The following SEMA3A variants were observed in gnomAD, a reference collection of about 807,000 sequenced individuals.
SEMA3A encodes semaphorin-3A.
Under a neutral mutation model 97.9 loss-of-function variants are expected in SEMA3A, and 29 were observed. That is an observed-to-expected ratio of 0.30 (90% CI 0.22 to 0.40). The LOEUF (loss-of-function observed/expected upper bound fraction) is 0.40. Among genes scored for constraint, SEMA3A ranks in the 10% least tolerant of loss-of-function variants. The pLI is 1.00. For synonymous variants in SEMA3A, 321 were observed against 323.7 expected (o/e 0.99, Z 0.09); for missense variants, 763 against 951.3 (o/e 0.80, Z 2.60).
At chr7:84,063,211 G>C (rs79766948) in intron 4 of SEMA3A, among the ~76,000 whole-genome samples, 4 of 151,386 alleles carry the variant, frequency 2.6e-5, no homozygotes, top group East Asian at 4.0e-4. Context: ...TGAGGGTCCT[G>C]TCTGTTAGAA....
At chr7:84,427,906 A>C (rs544817386) in intron 1 of SEMA3A, among the ~76,000 whole-genome samples, 22 of 152,078 alleles carry the variant, frequency 1.4e-4, no homozygotes, top group Non-Finnish European at 2.9e-4. Context: ...TTGTATAATA[A>C]GTCTATATAG....
At chr7:84,050,396 C>T (rs1347338915) in intron 5 of SEMA3A, among the ~76,000 whole-genome samples, 5 of 152,110 alleles carry the variant, frequency 3.3e-5, no homozygotes, top group South Asian at 4.2e-4. Context: ...TTAATGATTG[C>T]CATTCTAACT....
intron 4 of SEMA3A, among the ~76,000 whole-genome samples, chr7:84,063,141 A>AC (rs903943276): frequency 5.9e-5 from 9 of 151,870 alleles, no homozygotes; most frequent in South Asian, 2.1e-4. Flanking sequence ...ACTGTGAGGC[A>AC]CCCCCAAGCA....
At chr7:84,439,582 T>A (rs1805219518) in intron 1 of SEMA3A, among the ~76,000 whole-genome samples, 1 of 152,184 alleles carries the variant, frequency 6.6e-6, no homozygotes, top group Non-Finnish European at 1.5e-5. Context: ...TATAAATAGA[T>A]GTTTCTGATG....
intron 3 of SEMA3A, among the ~76,000 whole-genome samples, chr7:84,249,358 C>CTG (rs1222407634): frequency 1.2e-4 from 16 of 133,252 alleles, no homozygotes; most frequent in African/African-American, 4.0e-4. Context: ...CTCTCTCTCT[C>CTG]TCTGTCTATC....
chr7:84,452,965 T>A (rs1805596490), intron 1 of SEMA3A, among the ~76,000 whole-genome samples: 1 of 152,186 alleles, frequency 6.6e-6, no homozygotes, highest in Non-Finnish European at 1.5e-5. Flanking sequence ...TTCCCCTTCT[T>A]TTTAACATTG....
At chr7:84,182,522 A>G (rs1331811761) in intron 1 of SEMA3A, among the ~76,000 whole-genome samples, 1 of 152,128 alleles carries the variant, frequency 6.6e-6, no homozygotes, top group African/African-American at 2.4e-5. Context: ...TTCCTGAAGA[A>G]ACAGGTGCTT....
intron 2 of SEMA3A, among the ~76,000 whole-genome samples, chr7:84,346,810 T>C (rs996176826): frequency 2.0e-5 from 3 of 151,874 alleles, no homozygotes; most frequent in Non-Finnish European, 2.9e-5. Context: ...GAGAACATGG[T>C]GTTGGAAAAA....
chr7:83,998,854 C>T (rs1324518722), intron 12 of SEMA3A, among the ~76,000 whole-genome samples: 1 of 152,016 alleles, frequency 6.6e-6, no homozygotes, highest in African/African-American at 2.4e-5. Context: ...TAGGCCTACA[C>T]AGGGTAAGGA....
At chr7:84,492,560 A>G (rs1222898688) in exon 1 of SEMA3A, 1 of 152,244 alleles carries the variant, frequency 6.6e-6, no homozygotes, top group African/African-American at 2.4e-5. Flanking sequence ...GTGAGCAGCA[A>G]GAAGCATGTT....
At chr7:84,170,688 T>G (rs1009447206) in intron 1 of SEMA3A, among the ~76,000 whole-genome samples, 1 of 152,034 alleles carries the variant, frequency 6.6e-6, no homozygotes, top group African/African-American at 2.4e-5. Context: ...TTCAGATTTT[T>G]CTTGTATTTA....
intron 4 of SEMA3A, among the ~76,000 whole-genome samples, chr7:84,079,473 C>A (rs1283565299): frequency 6.6e-6 from 1 of 151,222 alleles, no homozygotes; most frequent in Admixed American, 6.6e-5. Flanking sequence ...GGCTAATATC[C>A]AGAATCTACA....
chr7:84,051,861 T>C (rs1451729892), intron 5 of SEMA3A, among the ~76,000 whole-genome samples: 1 of 151,096 alleles, frequency 6.6e-6, no homozygotes. Context: ...CATAGATAGC[T>C]CTTATTATTT....
intron 3 of SEMA3A, among the ~76,000 whole-genome samples, chr7:84,232,422 ATC>A (rs142498521): frequency 2.9e-4 from 43 of 145,918 alleles, no homozygotes; most frequent in East Asian, 1.8e-3. Context: ...AGATTGTTTA[ATC>A]TCTCTCTCTC....
intron 3 of SEMA3A, among the ~76,000 whole-genome samples, chr7:84,231,334 A>G (rs1799111401): frequency 6.6e-6 from 1 of 151,948 alleles, no homozygotes; most frequent in Non-Finnish European, 1.5e-5. Flanking sequence ...TAAGTGTAGG[A>G]GGGAGAAGGA....
intron 1 of SEMA3A, among the ~76,000 whole-genome samples, chr7:84,143,807 A>G (rs1294543068): frequency 6.6e-6 from 1 of 151,998 alleles, no homozygotes; most frequent in Non-Finnish European, 1.5e-5. Context: ...GTCAAAAAAA[A>G]AAAGAAAAGA....
chr7:84,090,946 A>C (rs1794547059), intron 4 of SEMA3A, among the ~76,000 whole-genome samples: 2 of 151,384 alleles, frequency 1.3e-5, no homozygotes, highest in Middle Eastern at 3.4e-3. Flanking sequence ...TCATGCTTGT[A>C]ATCCCAACTA....
chr7:84,338,106 A>G (rs530974871), intron 2 of SEMA3A, among the ~76,000 whole-genome samples: 16 of 151,796 alleles, frequency 1.1e-4, no homozygotes, highest in African/African-American at 3.9e-4. Flanking sequence ...ATACCTGTAT[A>G]AGTATGTGCA....
At chr7:84,312,647 A>G (rs567541357) in intron 2 of SEMA3A, among the ~76,000 whole-genome samples, 31 of 150,484 alleles carry the variant, frequency 2.1e-4, no homozygotes, top group African/African-American at 6.8e-4. Context: ...ACATATATGC[A>G]TATGTACACA....
Sources: gnomAD v4.1 joint callset for allele counts (sites outside exome capture counted in the v4.1 genomes callset) on GRCh38, gnomAD v4.1.1 for gene constraint, MANE v1.5 for transcripts, NCBI Gene and HGNC (gene_info 2026-07-23, HGNC 2026-07-21) for gene names.